The following CLCN3 variants were observed in gnomAD, a reference collection of about 807,000 sequenced individuals.
The protein encoded by CLCN3 is Cl-/H+ antiporter 3.
CLCN3 carries 16 observed loss-of-function variants against 83.4 expected under a neutral mutation model. That is an observed-to-expected ratio of 0.19 (90% CI 0.13 to 0.29). CLCN3 has a LOEUF of 0.29. Ranked by LOEUF, CLCN3 falls within the 10% of genes least tolerant of loss-of-function variation. The pLI is 1.00. For missense variants in CLCN3, 544 were observed against 1,006.0 expected (o/e 0.54, Z 6.21); for synonymous variants, 322 against 346.2 (o/e 0.93, Z 0.78).
intron 9 of CLCN3, among the ~76,000 whole-genome samples, chr4:169,700,473 G>A (rs1354437772): frequency 6.6e-6 from 1 of 152,104 alleles, no homozygotes; most frequent in East Asian, 1.9e-4. Context: ...GGCCAGGCTG[G>A]TCTGGAACTC....
At chr4:169,642,244 C>G (rs1213630013) in intron 2 of CLCN3, among the ~76,000 whole-genome samples, 5 of 151,982 alleles carry the variant, frequency 3.3e-5, no homozygotes, top group Non-Finnish European at 7.4e-5. Flanking sequence ...TACCAGTATA[C>G]TTCTTGAGAG....
intron 2 of CLCN3, among the ~76,000 whole-genome samples, chr4:169,679,303 C>T (rs923653176): frequency 6.6e-6 from 1 of 150,784 alleles, no homozygotes; most frequent in Non-Finnish European, 1.5e-5. Flanking sequence ...GGCGGCCGGG[C>T]AGAGACGCTC....
chr4:169,679,161 C>T (rs1731812983), intron 2 of CLCN3, among the ~76,000 whole-genome samples: 1 of 149,160 alleles, frequency 6.7e-6, no homozygotes, highest in Admixed American at 6.6e-5. Flanking sequence ...AGAGGTGCTC[C>T]TCACCTCCCA....
chr4:169,692,048 A>G, intron 6 of CLCN3, 66 bp from the exon 7 acceptor site: 1 of 1,042,028 alleles, frequency 9.6e-7, no homozygotes, highest in Non-Finnish European at 1.4e-6. Context: ...CAAGAAAATA[A>G]CTTGGATTCG....
At position 169,713,069 on chromosome 4, in the gene CLCN3, C is replaced by T. The variant is rs1304502868; in HGVS notation, c.2150-10C>T. On this transcript the variant is annotated splice_polypyrimidine_tract_variant and intron_variant, in intron 11 of 12. Transcript: ENST00000513761. ...GTTTAAAAGTGTTGGTCTCTTCTCT[C>T]TCTTTTCAGAAAGTGCCAGGAAAAA... 1 of 1,610,478 alleles carries T rather than the reference C, an allele frequency of 6.2e-7. No individual in the cohort carries two copies. The highest frequency in any genetic ancestry group is 8.5e-7 in the Non-Finnish European group (1 of 1,176,962).
intron 3 of CLCN3, 128 bp downstream of exon 3, chr4:169,680,335 A>G (rs1356787051): frequency 6.1e-6 from 4 of 654,702 alleles, no homozygotes; most frequent in East Asian, 2.9e-5. Flanking sequence ...TACATTTCAT[A>G]TGTGGTACAT....
At chr4:169,681,064 C>T (rs756971799) in intron 3 of CLCN3, among the ~76,000 whole-genome samples, 3 of 151,438 alleles carry the variant, frequency 2.0e-5, no homozygotes, top group Admixed American at 6.6e-5. Flanking sequence ...TTTTGGAGGT[C>T]GGGGGACCGT....
chr4:169,633,461 T>C (rs1773430259), intron 1 of CLCN3, among the ~76,000 whole-genome samples: 1 of 152,144 alleles, frequency 6.6e-6, no homozygotes, highest in Admixed American at 6.5e-5. Flanking sequence ...AAATTTCATC[T>C]GCTGTGTTAG....
intron 11 of CLCN3, among the ~76,000 whole-genome samples, chr4:169,707,912 A>G (rs1733055062): frequency 6.6e-6 from 1 of 152,322 alleles, no homozygotes; most frequent in African/African-American, 2.4e-5. Context: ...AACTTTCTAT[A>G]GTTCTGTTTC....
intron 2 of CLCN3, among the ~76,000 whole-genome samples, chr4:169,671,397 T>TGAGAGA (rs1731451640): frequency 6.6e-6 from 1 of 151,894 alleles, no homozygotes; most frequent in Non-Finnish European, 1.5e-5. Context: ...AGTTGAACAA[T>TGAGAGA]GAGAGCACAT....
Position 169,719,994 on chromosome 4 carries a change from C to T in CLCN3, c.2454C>T (p.Asn818=), listed in dbSNP as rs779788557. 7.4e-6 allele frequency: 12 copies of T among 1,613,656 alleles called. No individual in the cohort carries two copies. In the Admixed American group the frequency reaches 8.3e-5, roughly 11 times the overall value. The change falls in exon 13 of 13, where the codon AAC becomes AAT. Residue 818 remains asparagine (N), a synonymous_variant. Transcript: ENST00000513761. ...ANQDPASIMF[N] is the part of the protein sequence containing the mutation. The stretch of plus-strand genomic sequence containing the variant: ...AAGACCCCGCTTCAATAATGTTCAA[C>T]TGAATCTCACAGATGAGGAGAGAGA...
intron 1 of CLCN3, among the ~76,000 whole-genome samples, chr4:169,632,691 T>A (rs1773405537): frequency 8.9e-6 from 1 of 112,250 alleles, no homozygotes; most frequent in African/African-American, 3.4e-5. Context: ...CACTCCAGCC[T>A]GGGTGACAGA....
chr4:169,648,037 T>C (rs1196978985), intron 2 of CLCN3, among the ~76,000 whole-genome samples: 1 of 152,164 alleles, frequency 6.6e-6, no homozygotes, highest in Non-Finnish European at 1.5e-5. Context: ...CTGAATGACA[T>C]TTTACAGGAT....
At chr4:169,713,486 G>T (rs557618351) in intron 12 of CLCN3, among the ~76,000 whole-genome samples, 191 bp downstream of exon 12, 7 of 152,276 alleles carry the variant, frequency 4.6e-5, no homozygotes, top group Admixed American at 4.6e-4. Flanking sequence ...GATGTCATCT[G>T]CCTGCTCTTT....
At chr4:169,669,366 C>G (rs1731372887) in intron 2 of CLCN3, among the ~76,000 whole-genome samples, 1 of 152,070 alleles carries the variant, frequency 6.6e-6, no homozygotes, top group Non-Finnish European at 1.5e-5. Context: ...TGGTGCTTGC[C>G]TGCAGTCCCA....
intron 1 of CLCN3, among the ~76,000 whole-genome samples, chr4:169,630,442 A>G (rs1036706412): frequency 1.3e-5 from 2 of 152,160 alleles, no homozygotes; most frequent in South Asian, 2.1e-4. Context: ...CAGCATCCCC[A>G]TTGCTGCAAA....
chr4:169,708,342 A>G (rs1297812094), intron 11 of CLCN3, among the ~76,000 whole-genome samples: 1 of 152,208 alleles, frequency 6.6e-6, no homozygotes, highest in Non-Finnish European at 1.5e-5. Flanking sequence ...AAAAGATCCT[A>G]CAGAGAACAC....
intron 2 of CLCN3, 31 bp downstream of exon 2, chr4:169,636,119 A>G: frequency 6.4e-7 from 1 of 1,568,954 alleles, no homozygotes; most frequent in Non-Finnish European, 8.7e-7. Context: ...TAATGTTTGT[A>G]TTCATGAATA....
At chr4:169,705,712 G>C (rs1266873754) in intron 10 of CLCN3, among the ~76,000 whole-genome samples, 2 of 152,162 alleles carry the variant, frequency 1.3e-5, no homozygotes, top group Admixed American at 1.3e-4. Context: ...ACAAAAGGAA[G>C]AGCTTCAGCT....
Sources: allele counts gnomAD v4.1 joint callset (sites outside exome capture counted in the v4.1 genomes callset), GRCh38; gene constraint gnomAD v4.1.1; transcripts MANE v1.5; gene names NCBI Gene and HGNC (gene_info 2026-07-23, HGNC 2026-07-21).